Variants in METTL27 observed in about 807,000 individuals in gnomAD.
METTL27 encodes the protein methyltransferase-like protein 27.
A neutral mutation model predicts 24.5 loss-of-function variants in METTL27; 29 were observed. The ratio of observed to expected loss-of-function variants is 1.18; its 90% CI spans 0.88 to 1.61. METTL27 has a LOEUF of 1.61. Among genes scored for constraint, METTL27 ranks in the 40% most tolerant of loss-of-function variants. The probability of loss-of-function intolerance (pLI) is 0.00; values close to 1 mark genes in which losing one functional copy is unlikely to be tolerated. For missense variants in METTL27, 341 were observed against 324.3 expected, an observed-to-expected ratio of 1.05 and a Z score of -0.40; for synonymous variants, 138 against 146.8, an observed-to-expected ratio of 0.94 and a Z score of 0.43.
intron 5 of METTL27, among the ~76,000 whole-genome samples, chr7:73,836,231 GGCA>G (rs1788188857): frequency 1.1e-5 from 1 of 87,916 alleles, no homozygotes; most frequent in African/African-American, 3.7e-5. Flanking sequence ...GGGAGGTGGG[GGCA>G]TCAGCCCCCC....
rs1376601095 is a variant in METTL27, at chr7:73,834,832, A to G, written c.649T>C (p.Trp217Arg). Reference protein sequence around the residue: ...AGSWLPPSWRWYPASLPRMAS... With the variant: ...AGSWLPPSWRRYPASLPRMAS... ...ATCCTTGGCAGAGATGCCGGATACC[A>G]CCTCCAGCTCGGAGGTAGCCAGCTC... The change falls in exon 6 of 6, where the codon TGG (tryptophan) becomes CGG (arginine). Residue 217 changes from tryptophan (W) to arginine (R), a missense_variant. By Grantham distance (101) the Trp-to-Arg change is moderately radical. Coordinates refer to ENST00000297873, the MANE Select transcript of METTL27 (RefSeq NM_152559.3). The G allele has an allele frequency of 6.2e-7, 1 of 1,614,086 alleles. No homozygotes were observed. The highest frequency in any genetic ancestry group is 8.5e-7 in the Non-Finnish European group (1 of 1,180,020).
chr7:73,840,425 G>A lies in METTL27; in HGVS notation c.377C>T (p.Pro126Leu). The A allele has an allele frequency of 1.9e-6, 3 of 1,583,438 alleles. No individual in the cohort carries two copies. The highest frequency in any genetic ancestry group is 2.6e-6 in the Non-Finnish European group (3 of 1,165,374). ...SLCTLGQEPL[P>L]SPEGTFDAVL... ...GGGAGAGAAAGTACCTTCCGGGCTG[G>A]GCAGAGGCTCCTGGCCCAGGGTGCA... is the stretch of plus-strand genomic sequence containing the variant. The change falls in exon 4 of 6, where the codon CCC becomes CTC. Residue 126 changes from proline (P) to leucine (L), a missense_variant. By Grantham distance (98) the Pro-to-Leu change is moderately conservative. Transcript: ENST00000297873.
At chr7:73,836,433 G>C (rs1291650065) in intron 5 of METTL27, among the ~76,000 whole-genome samples, 270 of 123,712 alleles carry the variant, frequency 2.2e-3, no homozygotes, top group Middle Eastern at 5.0e-3. Flanking sequence ...CCGGCCAGCC[G>C]CCCCGTCCGG....
chr7:73,834,968 C>G lies in METTL27; in HGVS notation c.513G>C (p.Ser171=). ...GLVCLTTRTN[S]SNLQYKEALE... is the part of the protein sequence containing the mutation. ...GAGCCTCCTTGTATTGAAGGTTGGA[C>G]GAGTTGGTCCTGGTGGTCAGACACA... Residue 171 remains serine (S), a synonymous_variant, in exon 6 of 6, where the codon TCG becomes TCC. Coordinates refer to ENST00000297873, the MANE Select transcript of METTL27 (RefSeq NM_152559.3). The G allele has an allele frequency of 6.2e-7, 1 of 1,613,426 alleles. No individual in the cohort carries two copies. The highest frequency in any genetic ancestry group is 8.5e-7 in the Non-Finnish European group (1 of 1,179,898).
At chr7:73,840,142 T>A (rs781841419) in intron 4 of METTL27, 22 bp from the exon 5 acceptor site, 5 of 892,340 alleles carry the variant, frequency 5.6e-6, no homozygotes, top group Admixed American at 2.4e-5. Context: ...TGGGGGGGGG[T>A]GGGGACATGG....
At chr7:73,836,165 T>G (rs1554635162) in intron 5 of METTL27, among the ~76,000 whole-genome samples, 1 of 87,886 alleles carries the variant, frequency 1.1e-5, no homozygotes. Context: ...CAGCCGCCCA[T>G]CCGGGAGGGA....
chr7:73,839,892 A>T, intron 5 of METTL27, 139 bp downstream of exon 5: 1 of 705,510 alleles, frequency 1.4e-6, no homozygotes, highest in South Asian at 2.8e-5. Flanking sequence ...CTGGGATGTT[A>T]GGCTAGGCTG....
chr7:73,838,901 T>C (rs1396207416), intron 5 of METTL27, among the ~76,000 whole-genome samples: 1 of 152,160 alleles, frequency 6.6e-6, no homozygotes, highest in Non-Finnish European at 1.5e-5. Flanking sequence ...CGCCTCCTCG[T>C]TCTCATGCTC....
At chr7:73,835,153 C>T in intron 5 of METTL27, 151 bp from the exon 6 acceptor site, 1 of 627,516 alleles carries the variant, frequency 1.6e-6, no homozygotes, top group Non-Finnish European at 2.5e-6. Flanking sequence ...CCCTCTCCCT[C>T]CTCTCCCTCC....
chr7:73,835,152 T>G (rs1788128265), intron 5 of METTL27, 150 bp from the exon 6 acceptor site: 6 of 557,670 alleles, frequency 1.1e-5, no homozygotes, highest in Non-Finnish European at 1.4e-5. Context: ...TCCCTCTCCC[T>G]CCTCTCCCTC....
chr7:73,842,217 C>T (rs1234601895), intron 1 of METTL27, 73 bp from the exon 2 acceptor site: 3 of 1,531,472 alleles, frequency 2.0e-6, no homozygotes, highest in Admixed American at 2.1e-5. Context: ...CTTCCCTCCT[C>T]CCCCTTCAGA....
Position 73,840,522 on chromosome 7 carries a change from G to A in METTL27, c.280C>T (p.His94Tyr), listed in dbSNP as rs562082460. ...ELRAPGFLQL[H>Y]GVDGSPGMLE... ...ATCCCTGGGCTCCCATCCACCCCAT[G>A]CAGCTGGAGGAAGCCTGGAGCCCGC... The change falls in exon 4 of 6, where the codon CAT becomes TAT. Residue 94 changes from histidine (H) to tyrosine (Y), a missense_variant. Coordinates refer to ENST00000297873, the MANE Select transcript of METTL27 (RefSeq NM_152559.3). 6.2e-7 allele frequency: 1 copy of A among 1,606,654 alleles called. No individual in the cohort carries two copies. The highest frequency in any genetic ancestry group is 8.5e-7 in the Non-Finnish European group (1 of 1,176,902).
At chr7:73,836,388 A>T (rs1181654520) in intron 5 of METTL27, among the ~76,000 whole-genome samples, 15 of 27,798 alleles carry the variant, frequency 5.4e-4, no homozygotes, top group South Asian at 1.2e-3. Context: ...CCAGCCGCCC[A>T]GTCCGGGAGG....
At chr7:73,837,825 G>A (rs1554635607) in intron 5 of METTL27, among the ~76,000 whole-genome samples, 1 of 151,914 alleles carries the variant, frequency 6.6e-6, no homozygotes, top group Non-Finnish European at 1.5e-5. Context: ...GATTATAAGC[G>A]TGAGCCACTG....
intron 5 of METTL27, among the ~76,000 whole-genome samples, chr7:73,838,252 G>C (rs966177139): frequency 5.3e-5 from 8 of 152,172 alleles, no homozygotes; most frequent in Non-Finnish European, 1.0e-4. Context: ...TGTCTGAATG[G>C]ACAGGAAGAA....
Position 73,834,591 on chromosome 7 carries a change from T to A in METTL27, c.*152A>T. The A allele has an allele frequency of 1.5e-6, 1 of 669,958 alleles. No homozygotes were observed. Among genetic ancestry groups the A allele is most frequent in the Non-Finnish European group, 2.5e-6 (1 of 396,690 alleles). The allele number at this position is 669,958 out of a possible 1,614,324, so 41.5% of individuals were successfully genotyped here. A position where few individuals can be genotyped will look rare whatever the true frequency, so the allele number is the denominator to read the frequency against. The stretch of plus-strand genomic sequence containing the variant: ...AACCCACAGGAACAGATGCCACTGT[T>A]TTCTGGGAGCTCATTTAATAGGCAG... On this transcript the variant is annotated 3_prime_UTR_variant, in exon 6 of 6. Coordinates refer to ENST00000297873, the MANE Select transcript of METTL27 (RefSeq NM_152559.3).
chr7:73,837,660 T>C (rs1554635591), intron 5 of METTL27, among the ~76,000 whole-genome samples: 1 of 151,972 alleles, frequency 6.6e-6, no homozygotes. Flanking sequence ...GCCTCCTGGG[T>C]TCAAGTGATT....
chr7:73,836,383 C>T (rs1162453650), intron 5 of METTL27, among the ~76,000 whole-genome samples: 2 of 144,594 alleles, frequency 1.4e-5, no homozygotes, highest in African/African-American at 5.2e-5. Flanking sequence ...CCCGGCCAGC[C>T]GCCCAGTCCG....
At chr7:73,840,998 G>A (rs556214139) in intron 3 of METTL27, 72 bp downstream of exon 3, 1 of 1,398,728 alleles carries the variant, frequency 7.1e-7, no homozygotes, top group East Asian at 3.0e-5. Flanking sequence ...CAGGGTTCTG[G>A]GGCCAGGGGC....
Sources: allele counts gnomAD v4.1 joint callset (sites outside exome capture counted in the v4.1 genomes callset), GRCh38; gene constraint gnomAD v4.1.1; transcripts MANE v1.5; gene names NCBI Gene and HGNC (gene_info 2026-07-23, HGNC 2026-07-21).